Variants in DOCK3 observed in about 807,000 individuals in gnomAD.
The protein encoded by DOCK3 is dedicator of cytokinesis protein 3.
In DOCK3, 60 loss-of-function variants were observed where a neutral mutation model predicts 265.6. That is an observed-to-expected ratio of 0.23 (90% confidence interval 0.18 to 0.28). The LOEUF is 0.28. DOCK3 is among the 10% of genes least tolerant of loss of function. The probability of loss-of-function intolerance (pLI) is 1.00; values close to 1 mark genes in which losing one functional copy is unlikely to be tolerated. For missense variants in DOCK3, 1,981 were observed against 2,594.3 expected (o/e 0.76, Z 5.14); for synonymous variants, 881 against 938.0 (o/e 0.94, Z 1.11).
chr3:50,922,497 G>T (rs1006280989), intron 4 of DOCK3, among the ~76,000 whole-genome samples: 9 of 152,222 alleles, frequency 5.9e-5, no homozygotes, highest in Non-Finnish European at 1.2e-4. Context: ...GACCCCTTGC[G>T]CTTCCCACGT....
intron 19 of DOCK3, among the ~76,000 whole-genome samples, chr3:51,233,357 TCTA>T (rs1171125217): frequency 3.1e-3 from 33 of 10,572 alleles, no homozygotes; most frequent in African/African-American, 6.5e-3. Context: ...TATCTATCTA[TCTA>T]TTTATTTATT....
intron 4 of DOCK3, among the ~76,000 whole-genome samples, chr3:50,899,363 T>C (rs1159717153): frequency 6.6e-6 from 1 of 152,240 alleles, no homozygotes; most frequent in East Asian, 1.9e-4. Flanking sequence ...TTTGAGCCTA[T>C]GTGTGTCTTT....
At chr3:50,922,912 C>G (rs1380010351) in intron 4 of DOCK3, among the ~76,000 whole-genome samples, 1 of 152,042 alleles carries the variant, frequency 6.6e-6, no homozygotes, top group Non-Finnish European at 1.5e-5. Flanking sequence ...TTTTATGCCT[C>G]TCCCCCTTCC....
At chr3:51,299,477 A>G (rs2109314861) in intron 27 of DOCK3, among the ~76,000 whole-genome samples, 1 of 152,324 alleles carries the variant, frequency 6.6e-6, no homozygotes, top group South Asian at 2.1e-4. Flanking sequence ...TGTTTTTATC[A>G]TAAAATCTTT....
At chr3:51,370,734 A>AC (rs1386554663) in intron 49 of DOCK3, among the ~76,000 whole-genome samples, 6 of 152,168 alleles carry the variant, frequency 3.9e-5, no homozygotes, top group African/African-American at 1.4e-4. Context: ...ATAATAAGCC[A>AC]CCCCCAAAAC....
At chr3:50,849,298 G>A (rs1271448881) in intron 3 of DOCK3, among the ~76,000 whole-genome samples, 1 of 151,846 alleles carries the variant, frequency 6.6e-6, no homozygotes, top group African/African-American at 2.4e-5. Context: ...GCCTCCCAAA[G>A]TGCTGGGATT....
At chr3:50,858,094 A>T (rs1332589604) in intron 3 of DOCK3, among the ~76,000 whole-genome samples, 1 of 152,228 alleles carries the variant, frequency 6.6e-6, no homozygotes, top group Non-Finnish European at 1.5e-5. Flanking sequence ...AATACTATGC[A>T]GCCATAAAAA....
intron 1 of DOCK3, among the ~76,000 whole-genome samples, chr3:50,774,192 T>C (rs1347781893): frequency 6.6e-6 from 1 of 152,136 alleles, no homozygotes; most frequent in East Asian, 1.9e-4. Flanking sequence ...TCAGTATATA[T>C]TCACCTCCTT....
chr3:51,150,524 C>T lies in DOCK3; in HGVS notation c.828+3894C>T, dbSNP rs143226733. Among the ~76,000 whole-genome samples, 1,011 of 152,316 alleles carry T rather than the reference C, an allele frequency of 6.6e-3. 6 individuals carry two copies. The highest frequency in any genetic ancestry group is 0.023 in the African/African-American group (945 of 41,562). On this transcript the variant is annotated intron_variant, in intron 10 of 52. Transcript: ENST00000266037. ...CTGCTTTGAATGTGTCCCAGAGATTCTGGTACGTTGTGTCTTCATTCTCAT... is the reference window on the plus strand; with the variant it reads ...CTGCTTTGAATGTGTCCCAGAGATTTTGGTACGTTGTGTCTTCATTCTCAT...
At chr3:51,022,205 T>G (rs1281898131) in intron 5 of DOCK3, among the ~76,000 whole-genome samples, 4 of 152,232 alleles carry the variant, frequency 2.6e-5, no homozygotes, top group Non-Finnish European at 1.5e-5. Context: ...GACTGTATAT[T>G]TAGTGACCCT....
intron 5 of DOCK3, among the ~76,000 whole-genome samples, chr3:51,022,122 CTT>C (rs1195427300): frequency 6.6e-6 from 1 of 151,978 alleles, no homozygotes; most frequent in Non-Finnish European, 1.5e-5. Context: ...TCACTTGTAA[CTT>C]TAAGTTTTTA....
chr3:51,178,968 C>G (rs914820775), intron 12 of DOCK3, among the ~76,000 whole-genome samples: 1 of 152,164 alleles, frequency 6.6e-6, no homozygotes, highest in African/African-American at 2.4e-5. Flanking sequence ...CGTGCCTAAG[C>G]AGCCTGGTTA....
intron 3 of DOCK3, among the ~76,000 whole-genome samples, chr3:50,889,078 T>TGTGA (rs1338954427): frequency 6.8e-6 from 1 of 147,948 alleles, no homozygotes; most frequent in Non-Finnish European, 1.5e-5. Context: ...TGTGTGTGTG[T>TGTGA]GTGTGTGTGT....
In DOCK3 at chr3:50,914,050, C is replaced by CTTATT. The variant is rs57972779; in HGVS notation, c.219-19909_219-19905dup. Among the ~76,000 whole-genome samples the CTTATT allele has an allele frequency of 1.7e-3, 260 of 150,678 alleles. 6 individuals carry two copies. In the South Asian group the frequency reaches 0.023, roughly 13 times the overall value. ...GCTTTGTCCTCCCTGTATTGTCTCT[C>CTTATT]TTATTTTATTTTATTTTATTTTATT... On this transcript the variant is annotated intron_variant, in intron 4 of 52. Coordinates refer to ENST00000266037, the MANE Select transcript of DOCK3 (RefSeq NM_004947.5).
chr3:50,875,791 G>C (rs928310016), intron 3 of DOCK3, among the ~76,000 whole-genome samples: 1 of 151,516 alleles, frequency 6.6e-6, no homozygotes, highest in African/African-American at 2.4e-5. Context: ...TCTGATTTTG[G>C]TATCAGAGCA....
chr3:50,708,427 C>T (rs764806193), intron 1 of DOCK3, among the ~76,000 whole-genome samples: 2 of 152,126 alleles, frequency 1.3e-5, no homozygotes, highest in Non-Finnish European at 2.9e-5. Flanking sequence ...CTGGGTCCAG[C>T]TGGTGTGTCT....
At chr3:51,021,463 C>T (rs978473307) in intron 5 of DOCK3, among the ~76,000 whole-genome samples, 1 of 152,102 alleles carries the variant, frequency 6.6e-6, no homozygotes, top group Non-Finnish European at 1.5e-5. Context: ...AGTTTCCTTA[C>T]CTAGTAGTAT....
chr3:50,909,967 A>G (rs1485694777), intron 4 of DOCK3, among the ~76,000 whole-genome samples: 2 of 151,820 alleles, frequency 1.3e-5, no homozygotes, highest in South Asian at 2.1e-4. Flanking sequence ...TTTCAGAAAG[A>G]TCGTCTTCAA....
chr3:50,704,784 C>T (rs1314689056), intron 1 of DOCK3, among the ~76,000 whole-genome samples: 1 of 151,984 alleles, frequency 6.6e-6, no homozygotes, highest in Non-Finnish European at 1.5e-5. Context: ...TGCCATGACG[C>T]TCAGCTAATT....
Sources: allele counts gnomAD v4.1 joint callset (sites outside exome capture counted in the v4.1 genomes callset), GRCh38; gene constraint gnomAD v4.1.1; transcripts MANE v1.5; gene names NCBI Gene and HGNC (gene_info 2026-07-23, HGNC 2026-07-21).